The following CHST15 variants were observed in gnomAD, a reference collection of about 807,000 sequenced individuals.
The protein encoded by CHST15 is carbohydrate sulfotransferase 15.
CHST15 carries 30 observed loss-of-function variants against 53.6 expected under a neutral mutation model. That is an observed-to-expected ratio of 0.56 (90% CI 0.42 to 0.76). The LOEUF is 0.76. Ranked by LOEUF, CHST15 falls within the 30% of genes least tolerant of loss-of-function variation. The probability of loss-of-function intolerance (pLI) is 0.00; values close to 1 mark genes in which losing one functional copy is unlikely to be tolerated. For synonymous variants in CHST15, 296 were observed against 289.8 expected, an observed-to-expected ratio of 1.02 and a Z score of -0.22; for missense variants, 627 against 740.5, an observed-to-expected ratio of 0.85 and a Z score of 1.78.
intron 1 of CHST15, among the ~76,000 whole-genome samples, chr10:124,060,181 G>A (rs551410163): frequency 6.6e-6 from 1 of 150,982 alleles, no homozygotes; most frequent in East Asian, 2.0e-4. Flanking sequence ...CATGCAGTGT[G>A]TGCACAGGTG....
Position 124,008,337 on chromosome 10 carries a change from G to C in CHST15, c.*1812C>G. 1.9e-6 allele frequency: 2 copies of C among 1,078,028 alleles called. No homozygotes were observed. Among genetic ancestry groups the C allele is most frequent in the Non-Finnish European group, 2.2e-6 (2 of 892,638 alleles). 66.8% of individuals were successfully genotyped at this position (1,078,028 alleles called of 1,614,324 possible). A position where few individuals can be genotyped will look rare whatever the true frequency, so the allele number is the denominator to read the frequency against. Reference sequence around the variant, plus strand: ...ACTCAGAAGACGCACTCACCCACACGTGCGCGTACACACACACACACGCGC... The same window carrying C: ...ACTCAGAAGACGCACTCACCCACACCTGCGCGTACACACACACACACGCGC... On this transcript the variant is annotated 3_prime_UTR_variant, in exon 8 of 8. Transcript: ENST00000435907.
chr10:124,023,616 C>T (rs74503670), intron 5 of CHST15, among the ~76,000 whole-genome samples: 3,993 of 152,140 alleles, frequency 0.026, 158 homozygotes, highest in East Asian at 0.18. Flanking sequence ...ATATGTCCCA[C>T]TCTCTTCTTG....
rs145927483 is a variant in CHST15 at position 124,024,596 on chromosome 10, C to T, written c.1191-3184G>A. On this transcript the variant is annotated intron_variant, in intron 5 of 7. Coordinates refer to ENST00000435907, the MANE Select transcript of CHST15 (RefSeq NM_001270764.2). This position sits in a 1 kb window ranked among gnomAD's most constrained non-coding sequence, Gnocchi z 4.0. ...CGCCTGAGAATATTCCCCAAGACAA[C>T]ACCACATCAGCTTATTACTGGTGTC... Among the ~76,000 whole-genome samples, 72 of 152,338 alleles carry T rather than the reference C, an allele frequency of 4.7e-4. No individual in the cohort carries two copies. The Middle Eastern group carries it at 0.014, about 29-fold the overall frequency.
chr10:124,055,642 CT>C (rs1402696620), intron 1 of CHST15, among the ~76,000 whole-genome samples: 2 of 152,188 alleles, frequency 1.3e-5, no homozygotes, highest in Non-Finnish European at 2.9e-5. Flanking sequence ...TCGGGCACCC[CT>C]GTCACCAGGG....
intron 1 of CHST15, among the ~76,000 whole-genome samples, chr10:124,047,717 C>T (rs1320568280): frequency 6.6e-6 from 1 of 152,158 alleles, no homozygotes; most frequent in Non-Finnish European, 1.5e-5. Flanking sequence ...TACATGTAAA[C>T]AGTTTGAATA....
chr10:124,022,605 A>G (rs1946827728), intron 5 of CHST15, among the ~76,000 whole-genome samples: 1 of 152,168 alleles, frequency 6.6e-6, no homozygotes, highest in African/African-American at 2.4e-5. Flanking sequence ...GTTTAGCCAG[A>G]ATCCCCCACC....
chr10:124,043,198 T>C (rs568356963), intron 3 of CHST15, among the ~76,000 whole-genome samples: 9 of 152,220 alleles, frequency 5.9e-5, no homozygotes, highest in African/African-American at 1.9e-4. Context: ...CAAGGTGACA[T>C]TGAAGACTAG....
At chr10:124,029,777 G>A (rs1376488260) in intron 5 of CHST15, among the ~76,000 whole-genome samples, 1 of 152,222 alleles carries the variant, frequency 6.6e-6, no homozygotes, top group Non-Finnish European at 1.5e-5. Context: ...GGCGGGGCCA[G>A]TATGTGACAT....
chr10:124,011,601 G>A (rs897917882), intron 7 of CHST15: 10 of 985,310 alleles, frequency 1.0e-5, no homozygotes, highest in African/African-American at 8.7e-5. Flanking sequence ...GCCATCCCTC[G>A]GTGCCCCGTC....
chr10:124,071,483 A>G (rs1331220555), intron 1 of CHST15, among the ~76,000 whole-genome samples: 2 of 152,240 alleles, frequency 1.3e-5, no homozygotes, highest in Non-Finnish European at 2.9e-5. Context: ...AGCACTGCCC[A>G]ACAAAAACAG....
At chr10:124,011,633 G>C (rs901543944) in intron 7 of CHST15, 21 of 985,286 alleles carry the variant, frequency 2.1e-5, no homozygotes, top group African/African-American at 5.2e-5. Context: ...CACTCGCTCC[G>C]CCAGCACATG....
At chr10:124,068,125 C>A (rs1948805031) in intron 1 of CHST15, among the ~76,000 whole-genome samples, 1 of 152,164 alleles carries the variant, frequency 6.6e-6, no homozygotes, top group African/African-American at 2.4e-5. Context: ...CTGGCTCGAG[C>A]TCTCACCTGC....
intron 1 of CHST15, among the ~76,000 whole-genome samples, chr10:124,070,416 G>C: frequency 6.6e-6 from 1 of 152,176 alleles, no homozygotes; most frequent in East Asian, 1.9e-4. Context: ...GTCTCGCTCT[G>C]TCACCAGGCT....
chr10:124,028,460 G>A (rs1947097005), intron 5 of CHST15, among the ~76,000 whole-genome samples: 1 of 152,132 alleles, frequency 6.6e-6, no homozygotes. Context: ...TTTTTATATT[G>A]AGAAATGATC....
Position 124,046,563 on chromosome 10 carries a change from G to A in CHST15, c.-351C>T, listed in dbSNP as rs1009306889. 3 of 209,032 alleles carry A rather than the reference G, an allele frequency of 1.4e-5. No homozygotes were observed. Among genetic ancestry groups the A allele is most frequent in the African/African-American group, 2.3e-5 (1 of 43,390 alleles). The allele number at this position is 209,032 out of a possible 1,614,324, so 12.9% of individuals were successfully genotyped here. A position where few individuals can be genotyped will look rare whatever the true frequency, so the allele number is the denominator to read the frequency against. On this transcript the variant is annotated 5_prime_UTR_variant, in exon 2 of 8. Transcript: ENST00000435907. ...TGGAAGAATTCTCACTGGGGAATGTGGAAACACACAGAAAATTAAAAGAAA... is the reference window on the plus strand; with the variant it reads ...TGGAAGAATTCTCACTGGGGAATGTAGAAACACACAGAAAATTAAAAGAAA...
At chr10:124,070,840 C>T (rs541047278) in intron 1 of CHST15, among the ~76,000 whole-genome samples, 4 of 152,260 alleles carry the variant, frequency 2.6e-5, no homozygotes, top group Admixed American at 6.5e-5. Context: ...ACGGGCTGAG[C>T]ACCATGGATG....
chr10:124,042,594 A>C, intron 3 of CHST15, 147 bp from the exon 4 acceptor site: 1 of 855,552 alleles, frequency 1.2e-6, no homozygotes, highest in Non-Finnish European at 1.8e-6. Flanking sequence ...AGCTTCAGAA[A>C]GGGCTGCTGG....
chr10:124,040,672 C>A (rs1947698358), intron 4 of CHST15, among the ~76,000 whole-genome samples: 1 of 152,232 alleles, frequency 6.6e-6, no homozygotes, highest in Admixed American at 6.5e-5. Context: ...CCTGGTCCAA[C>A]AATCCCACTT....
rs375999783 is a variant in CHST15, at chr10:124,046,170, C to T, written c.43G>A (p.Gly15Ser). 2.4e-5 allele frequency: 38 copies of T among 1,613,366 alleles called. No homozygotes were observed. In the East Asian group the frequency reaches 5.6e-4, roughly 24 times the overall value. ...CAGTTGACCTGCTGCTTGTGTGCGC[C>T]GTCGGGTAACAGCTGTATGCAGCAA... ...INCCIQLLPD[G>S]AHKQQVNCQG... The change falls in exon 2 of 8, where the codon GGC (glycine) becomes AGC (serine). Residue 15 changes from glycine (G) to serine (S), a missense_variant. Physicochemically the swap from Gly to Ser is moderately conservative, Grantham distance 56. This residue lies in a region of CHST15 where 187 missense variants were observed against 251.8 expected (regional missense o/e 0.74). Coordinates refer to ENST00000435907, the MANE Select transcript of CHST15 (RefSeq NM_001270764.2).
Sources: allele counts gnomAD v4.1 joint callset (sites outside exome capture counted in the v4.1 genomes callset), GRCh38; gene constraint gnomAD v4.1.1; regional missense constraint gnomAD v4.1.1; non-coding constraint Gnocchi (gnomAD v3.1); transcripts MANE v1.5; gene names NCBI Gene and HGNC (gene_info 2026-07-23, HGNC 2026-07-21).